Variants in BAZ2B observed in about 807,000 individuals in gnomAD.
BAZ2B encodes the protein bromodomain adjacent to zinc finger domain 2B.
In BAZ2B, 91 loss-of-function variants were observed where a neutral mutation model predicts 246.0. The ratio of observed to expected loss-of-function variants is 0.37; its 90% CI spans 0.31 to 0.44. BAZ2B has a LOEUF of 0.44. Ranked by LOEUF, BAZ2B falls within the 20% of genes least tolerant of loss-of-function variation. BAZ2B has a pLI of 1.00. For missense variants in BAZ2B, 2,332 were observed against 2,533.7 expected, an observed-to-expected ratio of 0.92 and a Z score of 1.71; for synonymous variants, 855 against 860.0, an observed-to-expected ratio of 0.99 and a Z score of 0.10.
At chr2:159,537,924 C>T (rs1056833680) in intron 2 of BAZ2B, among the ~76,000 whole-genome samples, 5 of 152,110 alleles carry the variant, frequency 3.3e-5, no homozygotes, top group Admixed American at 2.6e-4. Context: ...TCATGAAATC[C>T]TTTCTATGTT....
chr2:159,704,058 T>C, the BAZ2B span, among the ~76,000 whole-genome samples: 4 of 152,210 alleles, frequency 2.6e-5, no homozygotes, highest in South Asian at 2.1e-4. Context: ...TAGAAAAATA[T>C]GAAGGATTTC....
In BAZ2B at chr2:159,430,148, T is replaced by A. The variant is rs562531096; in HGVS notation, c.2194+715A>T. 8.5e-4 allele frequency among the ~76,000 whole-genome samples: 130 copies of A among 152,266 alleles called. 1 individual carries two copies. Among genetic ancestry groups the A allele is most frequent in the Non-Finnish European group, 1.7e-3 (116 of 68,004 alleles). Reference sequence around the variant, plus strand: ...AAGTGAGCTTTTTTATAAAGTACAGTTGGCCCTTGAACAATATGGGTTTGA... The same window carrying A: ...AAGTGAGCTTTTTTATAAAGTACAGATGGCCCTTGAACAATATGGGTTTGA... On this transcript the variant is annotated intron_variant, in intron 10 of 36. Coordinates refer to ENST00000392783, the MANE Select transcript of BAZ2B (RefSeq NM_013450.4).
chr2:159,689,007 T>C, the BAZ2B span, among the ~76,000 whole-genome samples: 2 of 152,180 alleles, frequency 1.3e-5, no homozygotes, highest in Non-Finnish European at 2.9e-5. Context: ...TTTTGATTAG[T>C]ATCTTGTGGG....
At chr2:159,428,197 C>G (rs2070349756) in intron 12 of BAZ2B, 114 bp downstream of exon 12, 1 of 1,109,420 alleles carries the variant, frequency 9.0e-7, no homozygotes, top group African/African-American at 1.6e-5. Flanking sequence ...TAGTCCCATA[C>G]AAGAGAATAT....
intron 2 of BAZ2B, among the ~76,000 whole-genome samples, chr2:159,540,473 C>T (rs2086534024): frequency 1.3e-5 from 2 of 152,246 alleles, no homozygotes; most frequent in African/African-American, 2.4e-5. Context: ...AGGGCACACA[C>T]TAGCTGATTC....
intron 3 of BAZ2B, among the ~76,000 whole-genome samples, chr2:159,468,194 T>C (rs983674611): frequency 1.3e-5 from 2 of 152,148 alleles, no homozygotes; most frequent in Admixed American, 6.5e-5. Context: ...GATGTATTTA[T>C]TTACTAAGTG....
intron 20 of BAZ2B, among the ~76,000 whole-genome samples, chr2:159,392,553 T>A (rs1419488016): frequency 1.3e-5 from 2 of 152,122 alleles, no homozygotes; most frequent in Admixed American, 6.6e-5. Context: ...CCTATTCAAT[T>A]TCCCCCCTGG....
the BAZ2B span, among the ~76,000 whole-genome samples, chr2:159,666,010 T>A: frequency 2.6e-5 from 4 of 152,220 alleles, no homozygotes; most frequent in African/African-American, 9.6e-5. Flanking sequence ...CATTCATGTA[T>A]CCTTTTATGA....
rs909594114 is a variant in BAZ2B, at chr2:159,446,839, A to G, written c.639T>C (p.Asn213=). 11 of 1,612,828 alleles carry G rather than the reference A, an allele frequency of 6.8e-6. No homozygotes were observed. The highest frequency in any genetic ancestry group is 9.3e-6 in the Non-Finnish European group (11 of 1,179,540). Residue 213 remains asparagine, a synonymous_variant, in exon 6 of 37, where the codon AAT becomes AAC. Transcript: ENST00000392783. ...TSSGGGNRKC[N]QEQSKNQPLD... ...AAGGCTGGTTTTTGCTTTGTTCCTGATTACATTTTCGATTTCCTCCACCTG... is the reference window on the plus strand; with the variant it reads ...AAGGCTGGTTTTTGCTTTGTTCCTGGTTACATTTTCGATTTCCTCCACCTG...
the BAZ2B span, among the ~76,000 whole-genome samples, chr2:159,691,804 C>T: frequency 6.6e-6 from 1 of 152,190 alleles, no homozygotes; most frequent in Non-Finnish European, 1.5e-5. Context: ...GTGCCATTTA[C>T]TGAAGAGATG....
intron 2 of BAZ2B, among the ~76,000 whole-genome samples, chr2:159,541,108 C>T (rs2086610029): frequency 6.6e-6 from 1 of 152,070 alleles, no homozygotes; most frequent in South Asian, 2.1e-4. Context: ...TCCAAACATT[C>T]CTGGATTATG....
intron 2 of BAZ2B, among the ~76,000 whole-genome samples, chr2:159,479,239 G>C (rs555471776): frequency 1.2e-4 from 18 of 152,170 alleles, no homozygotes; most frequent in African/African-American, 4.1e-4. Context: ...ACATTTCAGA[G>C]TTTAACTTGA....
At chr2:159,558,037 T>G (rs2089413073) in intron 1 of BAZ2B, among the ~76,000 whole-genome samples, 1 of 152,012 alleles carries the variant, frequency 6.6e-6, no homozygotes, top group Non-Finnish European at 1.5e-5. Context: ...GAAACCCAAA[T>G]CTTAAATGGT....
At chr2:159,387,237 T>C (rs1189988199) in intron 21 of BAZ2B, among the ~76,000 whole-genome samples, 1 of 152,126 alleles carries the variant, frequency 6.6e-6, no homozygotes, top group Admixed American at 6.6e-5. Flanking sequence ...TTTCCCTGTA[T>C]TTAGGCAAGT....
chr2:159,416,340 C>T (rs1209957786), intron 13 of BAZ2B, among the ~76,000 whole-genome samples: 1 of 151,968 alleles, frequency 6.6e-6, no homozygotes, highest in Non-Finnish European at 1.5e-5. Context: ...GGCCATAAGC[C>T]ACTAAAAAGG....
At chr2:159,701,586 T>C in the BAZ2B span, among the ~76,000 whole-genome samples, 1 of 149,566 alleles carries the variant, frequency 6.7e-6, no homozygotes, top group Non-Finnish European at 1.5e-5. Flanking sequence ...TAGTTGTATT[T>C]GTAGTTTTAA....
intron 17 of BAZ2B, among the ~76,000 whole-genome samples, chr2:159,400,129 C>CT (rs1319740368): frequency 6.6e-6 from 1 of 152,198 alleles, no homozygotes; most frequent in African/African-American, 2.4e-5. Context: ...CAGATGTCCT[C>CT]TATCTCTATT....
the BAZ2B span, among the ~76,000 whole-genome samples, chr2:159,663,513 GT>G: frequency 4.2e-4 from 60 of 143,184 alleles, no homozygotes; most frequent in South Asian, 1.1e-3. Context: ...TGTTGCTAAT[GT>G]TTTTTTTTTT....
chr2:159,344,442 G>A (rs1483037134), intron 31 of BAZ2B, among the ~76,000 whole-genome samples: 1 of 151,686 alleles, frequency 6.6e-6, no homozygotes, highest in Non-Finnish European at 1.5e-5. Flanking sequence ...GCTGAGGCAG[G>A]AGAGTTGCTT....
Sources: allele counts gnomAD v4.1 joint callset (sites outside exome capture counted in the v4.1 genomes callset), GRCh38; gene constraint gnomAD v4.1.1; transcripts MANE v1.5; gene names NCBI Gene and HGNC (gene_info 2026-07-23, HGNC 2026-07-21).